The following TATDN1 variants were observed in gnomAD, a reference collection of about 807,000 sequenced individuals.
TATDN1 encodes the protein TatD DNase domain containing 1.
In TATDN1, 40 loss-of-function variants were observed where a neutral mutation model predicts 46.4. The observed-to-expected ratio is 0.86, with a 90% CI of 0.67 to 1.12. The LOEUF (loss-of-function observed/expected upper bound fraction) is 1.12. TATDN1 is among the 50% of genes most tolerant of loss of function. The probability of loss-of-function intolerance (pLI) is 0.00; values close to 1 mark genes in which losing one functional copy is unlikely to be tolerated. For synonymous variants in TATDN1, 95 were observed against 105.6 expected, an observed-to-expected ratio of 0.90 and a Z score of 0.62; for missense variants, 326 against 348.4, an observed-to-expected ratio of 0.94 and a Z score of 0.51.
rs1554610453 is a variant in TATDN1 at position 124,508,502 on chromosome 8, C to G, written c.488G>C (p.Arg163Thr). Residue 163 changes from arginine to threonine, a missense_variant, in exon 8 of 12, where the codon AGA becomes ACA. Physicochemically the swap from Arg to Thr is moderately conservative, Grantham distance 71 (BLOSUM62 -1). Transcript: ENST00000276692. ...TCCCCCTACACACCGATCTCTATTT[C>G]TTTTCATTATGTCTGTGAATTAAAA... ...SHAEFLDIMK[R>T]NRDRCVGGVV... 1.2e-6 allele frequency: 2 copies of G among 1,613,168 alleles called. No homozygotes were observed. The highest frequency in any genetic ancestry group is 1.1e-5 in the South Asian group (1 of 91,006).
intron 11 of TATDN1, among the ~76,000 whole-genome samples, chr8:124,492,506 T>C (rs1015963020): frequency 1.3e-5 from 2 of 152,048 alleles, no homozygotes; most frequent in African/African-American, 4.8e-5. Flanking sequence ...GTGTGGTAGC[T>C]CACGCCTGTA....
intron 1 of TATDN1, among the ~76,000 whole-genome samples, chr8:124,538,650 G>A (rs899883635): frequency 6.6e-6 from 1 of 152,206 alleles, no homozygotes; most frequent in Non-Finnish European, 1.5e-5. Context: ...GTCCCCAGAA[G>A]CGGTCAGCCT....
chr8:124,518,664 AT>A (rs1232838785), intron 4 of TATDN1, 153 bp downstream of exon 4: 1 of 616,106 alleles, frequency 1.6e-6, no homozygotes, highest in African/African-American at 1.9e-5. Flanking sequence ...AGTACTTTGA[AT>A]TTTGTCATCT....
At chr8:124,488,819 G>GTTAT in intron 11 of TATDN1, 123 bp from the exon 12 acceptor site, 4 of 651,720 alleles carry the variant, frequency 6.1e-6, no homozygotes, top group Non-Finnish European at 1.1e-5. Context: ...AAGCTTAACA[G>GTTAT]TTATTAAGTT....
rs192749352 is a variant in TATDN1 at position 124,533,121 on chromosome 8, A to G, written c.22+5904T>C. ...CAAAACATTAGCCGGGCGTGGTGGC[A>G]GGCGCCTGTAGTCCCAGCTACTCAG... On this transcript the variant is annotated intron_variant, in intron 1 of 11. Transcript: ENST00000276692. 4.4e-3 allele frequency among the ~76,000 whole-genome samples: 670 copies of G among 151,992 alleles called. 1 individual carries two copies. Among genetic ancestry groups the G allele is most frequent in the Middle Eastern group, 0.017 (5 of 294 alleles).
intron 9 of TATDN1, among the ~76,000 whole-genome samples, chr8:124,497,063 T>C (rs1170757210): frequency 6.6e-6 from 1 of 152,232 alleles, no homozygotes; most frequent in African/African-American, 2.4e-5. Flanking sequence ...ATTCTAAGTT[T>C]GATTAAATTA....
chr8:124,496,437 T>C (rs937838122), intron 9 of TATDN1, among the ~76,000 whole-genome samples: 1 of 152,226 alleles, frequency 6.6e-6, no homozygotes, highest in African/African-American at 2.4e-5. Flanking sequence ...GTATCTACCA[T>C]TGTGGTATCA....
chr8:124,508,477 T>TC lies in TATDN1; in HGVS notation c.512dup (p.Val172SerfsTer6). On this transcript the variant is annotated frameshift_variant, in exon 8 of 12. Transcript: ENST00000276692. LOFTEE classifies it high-confidence loss of function. ...AAAATGACTATTTTATACTTACCAC[T>TC]CCCCCTACACACCGATCTCTATTTC... is the stretch of plus-strand genomic sequence containing the variant. 6.2e-7 allele frequency: 1 copy of TC among 1,611,366 alleles called. No individual in the cohort carries two copies. Among genetic ancestry groups the TC allele is most frequent in the African/African-American group, 1.3e-5 (1 of 74,932 alleles).
At chr8:124,502,919 G>C (rs1215738444) in intron 9 of TATDN1, among the ~76,000 whole-genome samples, 1 of 152,172 alleles carries the variant, frequency 6.6e-6, no homozygotes, top group Non-Finnish European at 1.5e-5. Flanking sequence ...TGGGAGGGTT[G>C]CTTGAGCCTG....
intron 9 of TATDN1, among the ~76,000 whole-genome samples, chr8:124,497,380 G>C (rs1185320216): frequency 6.6e-6 from 1 of 151,448 alleles, no homozygotes; most frequent in Non-Finnish European, 1.5e-5. Flanking sequence ...CCACCTCCCA[G>C]GTTCAAGCGA....
At chr8:124,500,988 T>C (rs1232641813) in intron 9 of TATDN1, among the ~76,000 whole-genome samples, 5 of 152,150 alleles carry the variant, frequency 3.3e-5, no homozygotes, top group African/African-American at 1.2e-4. Flanking sequence ...GGGACTGAAA[T>C]GGAGATTCTT....
rs149137989 is a variant in TATDN1 at position 124,497,507 on chromosome 8, G to A, written c.594-1965C>T. 3.1e-3 allele frequency among the ~76,000 whole-genome samples: 467 copies of A among 152,098 alleles called. 2 individuals are homozygous for A. The highest frequency in any genetic ancestry group is 0.011 in the African/African-American group (436 of 41,496). On this transcript the variant is annotated intron_variant, in intron 9 of 11. Transcript: ENST00000276692. ...TCACCATGTTGGCCAGGCTGGTCTC[G>A]AACTTCTTACCTCAGGCGATCCACC...
chr8:124,538,934 G>A, intron 1 of TATDN1, 91 bp downstream of exon 1: 3 of 1,516,740 alleles, frequency 2.0e-6, no homozygotes, highest in Non-Finnish European at 2.7e-6. Flanking sequence ...TTACAATGCC[G>A]GAGGGCGCAA....
At chr8:124,501,306 G>A (rs1817942380) in intron 9 of TATDN1, among the ~76,000 whole-genome samples, 1 of 152,188 alleles carries the variant, frequency 6.6e-6, no homozygotes, top group African/African-American at 2.4e-5. Flanking sequence ...AACCAACCCA[G>A]AAAAAGATCT....
intron 1 of TATDN1, chr8:124,526,924 G>C (rs1051243453): frequency 6.6e-6 from 1 of 152,244 alleles, no homozygotes; most frequent in Non-Finnish European, 1.5e-5. Flanking sequence ...CGGGGGATTA[G>C]AGAACAAGCT....
At chr8:124,509,331 C>T (rs1395832906) in intron 6 of TATDN1, among the ~76,000 whole-genome samples, 1 of 152,202 alleles carries the variant, frequency 6.6e-6, no homozygotes, top group African/African-American at 2.4e-5. Flanking sequence ...CAATACCTGG[C>T]ATGGCCAACT....
intron 9 of TATDN1, chr8:124,503,954 G>A: frequency 7.7e-7 from 1 of 1,307,020 alleles, no homozygotes; most frequent in African/African-American, 1.5e-5. Context: ...ACATAATGCT[G>A]TGAACACATG....
chr8:124,494,115 G>A, intron 10 of TATDN1, 156 bp from the exon 11 acceptor site: 1 of 658,282 alleles, frequency 1.5e-6, no homozygotes, highest in East Asian at 3.2e-5. Context: ...AAAAGCACAA[G>A]ATAAAATCTT....
intron 9 of TATDN1, among the ~76,000 whole-genome samples, chr8:124,497,514 T>C (rs1156816048): frequency 1.3e-5 from 2 of 152,158 alleles, no homozygotes; most frequent in East Asian, 3.8e-4. Context: ...CTCGAACTTC[T>C]TACCTCAGGC....
Sources: gnomAD v4.1 joint callset for allele counts (sites outside exome capture counted in the v4.1 genomes callset) on GRCh38, gnomAD v4.1.1 for gene constraint, MANE v1.5 for transcripts, NCBI Gene and HGNC (gene_info 2026-07-23, HGNC 2026-07-21) for gene names.